The following WDR44 variants were observed in gnomAD, a reference collection of about 807,000 sequenced individuals.
The protein encoded by WDR44 is WD repeat-containing protein 44.
Under a neutral mutation model 65.7 loss-of-function variants are expected in WDR44, and 9 were observed. The observed-to-expected ratio is 0.14, with a 90% CI of 0.08 to 0.24. WDR44 has a LOEUF of 0.24. Ranked by LOEUF, WDR44 falls within the 10% of genes least tolerant of loss-of-function variation. WDR44 has a pLI of 1.00. For missense variants in WDR44, 425 were observed against 670.9 expected, an observed-to-expected ratio of 0.63 and a Z score of 4.05; for synonymous variants, 220 against 235.2, an observed-to-expected ratio of 0.94 and a Z score of 0.59.
intron 1 of WDR44, among the ~76,000 whole-genome samples, chrX:118,377,633 T>C (rs2056672906): frequency 9.1e-6 from 1 of 110,426 alleles, no homozygotes; most frequent in African/African-American, 3.3e-5. Context: ...TTATGTCATA[T>C]ACAACTATAT....
At chrX:118,419,481 A>AG (rs199590846) in intron 12 of WDR44, among the ~76,000 whole-genome samples, 8,386 of 111,738 alleles carry the variant, frequency 0.075, 505 homozygotes, top group East Asian at 0.25. Flanking sequence ...TCCGGAGAGG[A>AG]GGATCTCCCT....
intron 3 of WDR44, among the ~76,000 whole-genome samples, chrX:118,388,392 C>T (rs1244979356): frequency 9.0e-6 from 1 of 111,285 alleles, no homozygotes. Context: ...GTGATCCTCC[C>T]ACCTCACCCT....
At chrX:118,347,942 A>G (rs992760499) in intron 1 of WDR44, among the ~76,000 whole-genome samples, 1 of 111,548 alleles carries the variant, frequency 9.0e-6, no homozygotes, top group African/African-American at 3.3e-5. Flanking sequence ...TTTGAAATGT[A>G]TTGGACTTCC....
At chrX:118,349,827 C>T (rs1484865255) in intron 1 of WDR44, among the ~76,000 whole-genome samples, 1 of 111,967 alleles carries the variant, frequency 8.9e-6, no homozygotes, top group Non-Finnish European at 1.9e-5. Context: ...GGATTACAGG[C>T]GTGAGCCACC....
At chrX:118,351,677 CCATGACT>C (rs1486644490) in intron 1 of WDR44, among the ~76,000 whole-genome samples, 4 of 111,648 alleles carry the variant, frequency 3.6e-5, no homozygotes, top group African/African-American at 1.3e-4. Context: ...CGGCCGGGCA[CCATGACT>C]CACGCCTGTA....
intron 19 of WDR44, among the ~76,000 whole-genome samples, chrX:118,446,107 C>T (rs2057344279): frequency 1.9e-5 from 2 of 107,672 alleles, no homozygotes; most frequent in African/African-American, 3.4e-5. Context: ...GCCTGGCCAA[C>T]ATGTTGAAAC....
chrX:118,422,076 G>A (rs1016022312), intron 12 of WDR44, among the ~76,000 whole-genome samples: 6 of 111,571 alleles, frequency 5.4e-5, no homozygotes, highest in African/African-American at 9.8e-5. Context: ...CATAGGTGTT[G>A]TAGCATTTAA....
At chrX:118,383,034 A>G (rs1352200093) in intron 2 of WDR44, among the ~76,000 whole-genome samples, 1 of 111,907 alleles carries the variant, frequency 8.9e-6, no homozygotes, top group Non-Finnish European at 1.9e-5. Flanking sequence ...TGGATGTTAT[A>G]CATCACTGAG....
At chrX:118,409,334 TG>T (rs1440560472) in intron 10 of WDR44, among the ~76,000 whole-genome samples, 154 bp from the exon 11 acceptor site, 10 of 110,583 alleles carry the variant, frequency 9.0e-5, no homozygotes, top group African/African-American at 3.3e-4. Context: ...TTTACCATGT[TG>T]GCCAGGCTGG....
chrX:118,445,492 A>G (rs1732423366), intron 19 of WDR44, among the ~76,000 whole-genome samples: 1 of 112,053 alleles, frequency 8.9e-6, no homozygotes, highest in Non-Finnish European at 1.9e-5. Context: ...TTGCCTACAC[A>G]TAGTAGGTGC....
chrX:118,411,124 A>G (rs1016171744), intron 12 of WDR44, among the ~76,000 whole-genome samples, 165 bp downstream of exon 12: 1 of 111,130 alleles, frequency 9.0e-6, no homozygotes, highest in African/African-American at 3.3e-5. Flanking sequence ...AAATTAGCAA[A>G]TGAAAATTTT....
intron 1 of WDR44, among the ~76,000 whole-genome samples, chrX:118,373,691 G>A (rs997657792): frequency 2.7e-5 from 3 of 111,466 alleles, no homozygotes; most frequent in African/African-American, 6.5e-5. Flanking sequence ...GTATTGCGAA[G>A]TGGTTGAGAG....
chrX:118,432,733 A>G, intron 12 of WDR44, 48 bp from the exon 13 acceptor site: 1 of 1,064,416 alleles, frequency 9.4e-7, no homozygotes, highest in Non-Finnish European at 1.3e-6. Context: ...AAGAATGTGA[A>G]ACTAGTTTTA....
At chrX:118,443,766 C>A in intron 18 of WDR44, 79 bp downstream of exon 18, 1 of 1,024,670 alleles carries the variant, frequency 9.8e-7, no homozygotes, top group South Asian at 2.6e-5. Context: ...AATTCATGAC[C>A]GGACACAGTG....
At chrX:118,380,793 A>G (rs918498093) in intron 2 of WDR44, among the ~76,000 whole-genome samples, 4 of 112,193 alleles carry the variant, frequency 3.6e-5, no homozygotes, top group Admixed American at 9.6e-5. Context: ...CGAGAGGAAG[A>G]TAGAATTGGC....
chrX:118,424,721 A>G, intron 12 of WDR44, among the ~76,000 whole-genome samples: 1 of 110,268 alleles, frequency 9.1e-6, no homozygotes, highest in Non-Finnish European at 1.9e-5. Context: ...CCGTTTGTCT[A>G]TTTTTGCTTT....
At chrX:118,422,569 A>G (rs2057114426) in intron 12 of WDR44, among the ~76,000 whole-genome samples, 1 of 110,128 alleles carries the variant, frequency 9.1e-6, no homozygotes, top group East Asian at 2.8e-4. Flanking sequence ...GCATGTGCCT[A>G]TAATCCCAGC....
At chrX:118,388,752 T>C (rs1004071777) in intron 3 of WDR44, among the ~76,000 whole-genome samples, 1 of 111,963 alleles carries the variant, frequency 8.9e-6, no homozygotes, top group African/African-American at 3.2e-5. Context: ...GTCTTGATTT[T>C]TCAGCATTTC....
intron 12 of WDR44, among the ~76,000 whole-genome samples, chrX:118,422,475 T>G (rs1442750725): frequency 5.4e-5 from 6 of 110,689 alleles, no homozygotes. Flanking sequence ...GCGGATCACC[T>G]GAGGTCAAGT....
Sources: gnomAD v4.1 joint callset for allele counts (sites outside exome capture counted in the v4.1 genomes callset) on GRCh38, gnomAD v4.1.1 for gene constraint, MANE v1.5 for transcripts, NCBI Gene and HGNC (gene_info 2026-07-23, HGNC 2026-07-21) for gene names.